Variants in FBXO28 observed in about 807,000 individuals in gnomAD.
The protein encoded by FBXO28 is F-box protein 28, also known as F-box only protein 28.
A neutral mutation model predicts 38.1 loss-of-function variants in FBXO28; 8 were observed. That is an observed-to-expected ratio of 0.21 (90% CI 0.12 to 0.38). The LOEUF is 0.38. Among genes scored for constraint, FBXO28 ranks in the 10% least tolerant of loss-of-function variants. The pLI, the probability that FBXO28 is intolerant of heterozygous loss-of-function variation, is 1.00. For missense variants in FBXO28, 345 were observed against 460.6 expected (o/e 0.75, Z 2.30); for synonymous variants, 168 against 173.8 (o/e 0.97, Z 0.26).
rs1572029532 is a variant in FBXO28 at position 224,157,803 on chromosome 1, T to C, written c.*57T>C. On this transcript the variant is annotated 3_prime_UTR_variant, in exon 5 of 5. Transcript: ENST00000366862. ...CACAGCTTAGTAGCTTAAGCAGTTA[T>C]GCATATCAGGATACTGTGAGCAACA... The C allele has an allele frequency of 5.9e-6, 9 of 1,534,174 alleles. No individual in the cohort carries two copies. The highest frequency in any genetic ancestry group is 4.5e-5 in the East Asian group (2 of 44,406).
rs535484885 is a variant in FBXO28 at position 224,132,242 on chromosome 1, ACT to A, written c.377+1664_377+1665del. The stretch of plus-strand genomic sequence containing the variant: ...ACTCCAATCTGGGTGACAGAGCAAG[ACT>A]CTGTCTCCAAAAAAAAGGACAAAGG... On this transcript the variant is annotated intron_variant, in intron 2 of 4. Transcript: ENST00000366862. Among the ~76,000 whole-genome samples the A allele has an allele frequency of 1.7e-4, 26 of 152,010 alleles. No homozygotes were observed. The East Asian group carries it at 4.7e-3, about 27-fold the overall frequency.
chr1:224,119,416 C>T (rs1455487233), intron 1 of FBXO28, among the ~76,000 whole-genome samples: 1 of 152,054 alleles, frequency 6.6e-6, no homozygotes, highest in Non-Finnish European at 1.5e-5. Flanking sequence ...GGATTACAGG[C>T]ATGAGCCACC....
In FBXO28 at chr1:224,131,300, T is replaced by C. The variant is rs565335349; in HGVS notation, c.377+719T>C. 4.6e-5 allele frequency among the ~76,000 whole-genome samples: 7 copies of C among 151,388 alleles called. No homozygotes were observed. In the South Asian group the frequency reaches 6.3e-4, roughly 14 times the overall value. On this transcript the variant is annotated intron_variant, in intron 2 of 4. Transcript: ENST00000366862. ...AAAAATTCAGCTGTCTTTTTTTTTT[T>C]CCCCAAAACTTGATACACTGATCCT...
At chr1:224,114,761 C>G (rs930407353) in intron 1 of FBXO28, among the ~76,000 whole-genome samples, 1 of 151,784 alleles carries the variant, frequency 6.6e-6, no homozygotes. Flanking sequence ...TATGCCGCTT[C>G]CAGCCCCCGG....
chr1:224,124,186 A>T (rs1425356397), intron 1 of FBXO28, among the ~76,000 whole-genome samples: 1 of 152,240 alleles, frequency 6.6e-6, no homozygotes, highest in African/African-American at 2.4e-5. Flanking sequence ...TGTGTCTTGC[A>T]TTATTAAGAA....
intron 3 of FBXO28, among the ~76,000 whole-genome samples, chr1:224,139,890 G>A (rs1290958458): frequency 1.4e-4 from 22 of 151,926 alleles, no homozygotes; most frequent in Admixed American, 1.4e-3. Flanking sequence ...CCAGGAGTTC[G>A]AGACCAACCT....
chr1:224,142,013 C>A (rs1053071345), intron 3 of FBXO28, among the ~76,000 whole-genome samples: 1 of 151,514 alleles, frequency 6.6e-6, no homozygotes, highest in African/African-American at 2.4e-5. Flanking sequence ...CCTCGACCTC[C>A]CAAGTACCTG....
At position 224,135,524 on chromosome 1, in the gene FBXO28, A is replaced by C. The variant is rs982619528; in HGVS notation, c.516+1312A>C. On this transcript the variant is annotated intron_variant, in intron 3 of 4. Transcript: ENST00000366862. ...ATACTTGCAAGGCTGAGGCAGAAGA[A>C]TCGCTTGAACCCGGGAGGCGGAGGT... Among the ~76,000 whole-genome samples the C allele has an allele frequency of 2.0e-5, 3 of 149,200 alleles. No homozygotes were observed. The Admixed American group carries it at 2.1e-4, about 10-fold the overall frequency.
At chr1:224,123,950 AAC>A (rs72058355) in intron 1 of FBXO28, among the ~76,000 whole-genome samples, 23,971 of 152,070 alleles carry the variant, frequency 0.16, 2,029 homozygotes, top group Middle Eastern at 0.24. Context: ...CTCTACTAAA[AAC>A]ACAAAAAATT....
intron 4 of FBXO28, 78 bp from the exon 5 acceptor site, chr1:224,157,274 C>T: frequency 1.4e-6 from 2 of 1,478,346 alleles, no homozygotes; most frequent in Non-Finnish European, 1.8e-6. Context: ...TAAGGGTATT[C>T]CATTTTTAAA....
At chr1:224,154,604 G>T (rs963467424) in intron 4 of FBXO28, among the ~76,000 whole-genome samples, 3 of 151,048 alleles carry the variant, frequency 2.0e-5, no homozygotes, top group African/African-American at 2.4e-5. Flanking sequence ...GTCAGGAGAT[G>T]GAGACCATCC....
chr1:224,132,678 G>A (rs1353858392), intron 2 of FBXO28, among the ~76,000 whole-genome samples: 1 of 152,012 alleles, frequency 6.6e-6, no homozygotes, highest in Non-Finnish European at 1.5e-5. Context: ...GATGTCGGGT[G>A]CCTATAATCC....
At chr1:224,118,473 C>G (rs1328324746) in intron 1 of FBXO28, among the ~76,000 whole-genome samples, 1 of 152,102 alleles carries the variant, frequency 6.6e-6, no homozygotes, top group Non-Finnish European at 1.5e-5. Context: ...ATGAATTTGA[C>G]TAAAGGTTAA....
intron 1 of FBXO28, among the ~76,000 whole-genome samples, chr1:224,122,807 A>G (rs1047824347): frequency 1.3e-5 from 2 of 152,180 alleles, no homozygotes; most frequent in African/African-American, 4.8e-5. Flanking sequence ...TGTGGTGAGA[A>G]TGCCTGTTAA....
intron 1 of FBXO28, among the ~76,000 whole-genome samples, chr1:224,125,924 C>T (rs750040421): frequency 2.0e-5 from 3 of 152,124 alleles, no homozygotes; most frequent in African/African-American, 7.2e-5. Context: ...CCACTGCTCC[C>T]GGCCATTCAT....
intron 1 of FBXO28, among the ~76,000 whole-genome samples, chr1:224,129,999 AAAG>A (rs1224999812): frequency 1.4e-5 from 2 of 143,028 alleles, no homozygotes; most frequent in Non-Finnish European, 3.1e-5. Context: ...CAAAAAAAAA[AAAG>A]AAATTACATG....
intron 3 of FBXO28, among the ~76,000 whole-genome samples, chr1:224,144,303 A>G (rs1012157966): frequency 2.0e-5 from 3 of 150,056 alleles, no homozygotes. Context: ...GTCTCTACAG[A>G]AAAAAAAAAT....
At position 224,159,412 on chromosome 1, in the gene FBXO28, A is replaced by T. The variant is rs567859680; in HGVS notation, c.*1666A>T. On this transcript the variant is annotated 3_prime_UTR_variant, in exon 5 of 5. Transcript: ENST00000366862. ...TACATAATATTGTCCTTAGATTTTG[A>T]TCAATTCTATGTCTGACTTTGAAAT... The T allele has an allele frequency of 1.3e-5, 2 of 152,538 alleles. No homozygotes were observed. The highest frequency in any genetic ancestry group is 3.9e-4 in the East Asian group (2 of 5,176). The allele number at this position is 152,538 out of a possible 1,614,324, so 9.4% of individuals were successfully genotyped here. A position where few individuals can be genotyped will look rare whatever the true frequency, so the allele number is the denominator to read the frequency against.
At chr1:224,117,782 C>CA (rs1656675907) in intron 1 of FBXO28, among the ~76,000 whole-genome samples, 1 of 151,206 alleles carries the variant, frequency 6.6e-6, no homozygotes, top group Non-Finnish European at 1.5e-5. Flanking sequence ...CCAGGGTGGG[C>CA]GGATCACTTG....
Sources: gnomAD v4.1 joint callset for allele counts (sites outside exome capture counted in the v4.1 genomes callset) on GRCh38, gnomAD v4.1.1 for gene constraint, MANE v1.5 for transcripts, NCBI Gene and HGNC (gene_info 2026-07-23, HGNC 2026-07-21) for gene names.